RBFOX1: variants seen among roughly 807,000 people sequenced by gnomAD.
RBFOX1 encodes the protein RNA binding fox-1 homolog 1.
RBFOX1 carries 8 observed loss-of-function variants against 57.7 expected under a neutral mutation model. That is an observed-to-expected ratio of 0.14 (90% confidence interval 0.08 to 0.25). The LOEUF (loss-of-function observed/expected upper bound fraction) is 0.25, where lower values mean the gene tolerates loss of function less well. RBFOX1 is among the 10% of genes least tolerant of loss of function. The pLI is 1.00. For synonymous variants in RBFOX1, 326 were observed against 222.4 expected, an observed-to-expected ratio of 1.47 and a Z score of -4.15; for missense variants, 611 against 548.5, an observed-to-expected ratio of 1.11 and a Z score of -1.14.
At chr16:7,476,913 C>A (rs1167607851) in intron 4 of RBFOX1, among the ~76,000 whole-genome samples, 1 of 152,072 alleles carries the variant, frequency 6.6e-6, no homozygotes, top group Non-Finnish European at 1.5e-5. Flanking sequence ...CTGGCTTTTT[C>A]CCCCAAAGCT....
rs1180446737 is a variant in RBFOX1, at chr16:5,452,135, T to C, written c.220-15081T>C. On this transcript the variant is annotated intron_variant, in intron 1 of 2. Transcript: ENST00000585867. ...CTCTCTCTTTTTTTTTTTTTTTTTT[T>C]TGAGACAGAGTCTTGCTCTGTCGCC... Among the ~76,000 whole-genome samples, 41 of 136,226 alleles carry C rather than the reference T, an allele frequency of 3.0e-4. No homozygotes were observed. The East Asian group carries it at 7.4e-3, about 25-fold the overall frequency. 89.4% of individuals were successfully genotyped at this position (136,226 alleles called of 152,430 possible).
intron 3 of RBFOX1, among the ~76,000 whole-genome samples, chr16:5,825,318 G>A (rs887179817): frequency 1.3e-5 from 2 of 152,208 alleles, no homozygotes; most frequent in African/African-American, 2.4e-5. Context: ...TGTGAGCAGG[G>A]TACTGCAGGG....
intron 3 of RBFOX1, among the ~76,000 whole-genome samples, chr16:6,888,348 G>C (rs1028291134): frequency 2.0e-5 from 3 of 152,174 alleles, no homozygotes; most frequent in Non-Finnish European, 1.5e-5. Flanking sequence ...CACTGAAGCT[G>C]TTTGAAAACT....
chr16:5,300,472 C>G (rs560663957), intron 1 of RBFOX1, among the ~76,000 whole-genome samples: 2 of 152,162 alleles, frequency 1.3e-5, no homozygotes, highest in East Asian at 1.9e-4. Flanking sequence ...ATTTATTCTT[C>G]TAACGCACCA....
chr16:6,867,128 G>A (rs1158668297), intron 3 of RBFOX1, among the ~76,000 whole-genome samples: 5 of 152,228 alleles, frequency 3.3e-5, no homozygotes, highest in Middle Eastern at 3.4e-3. Context: ...AAAGCAGTCA[G>A]GTTTTAGCTT....
intron 4 of RBFOX1, among the ~76,000 whole-genome samples, chr16:7,514,010 T>G (rs2075796731): frequency 6.6e-6 from 1 of 152,186 alleles, no homozygotes; most frequent in Non-Finnish European, 1.5e-5. Flanking sequence ...CTTCACTGCC[T>G]GCTTTATTTC....
chr16:5,331,397 C>T (rs533445438), intron 1 of RBFOX1, among the ~76,000 whole-genome samples: 1 of 152,206 alleles, frequency 6.6e-6, no homozygotes, highest in Non-Finnish European at 1.5e-5. Context: ...ATGGGCTGAT[C>T]TTGGCTAGAC....
chr16:6,554,965 C>T (rs1157097791), intron 2 of RBFOX1, among the ~76,000 whole-genome samples: 2 of 152,186 alleles, frequency 1.3e-5, no homozygotes, highest in East Asian at 3.9e-4. Flanking sequence ...AGCCTGAGTA[C>T]ATCCAGGTTC....
At chr16:5,287,784 C>G (rs962919413) in intron 1 of RBFOX1, among the ~76,000 whole-genome samples, 9 of 152,162 alleles carry the variant, frequency 5.9e-5, no homozygotes, top group African/African-American at 2.2e-4. Context: ...GTGGCCAAAG[C>G]TAGACACAGG....
At chr16:5,425,105 C>CTATCTATCTATCTATT (rs1401710896) in intron 1 of RBFOX1, among the ~76,000 whole-genome samples, 7,419 of 131,398 alleles carry the variant, frequency 0.056, 530 homozygotes, top group East Asian at 0.094. Context: ...ATCTATCTAT[C>CTATCTATCTATCTATT]TATCTATCTA....
rs995065789 is a variant in RBFOX1 at position 6,923,276 on chromosome 16, A to G, written c.-15-128781A>G. Reference sequence around the variant, plus strand: ...TGGCCAGGTGTGGTGGCTCATGCCTATAATCCCAGAACTTTGGGATGCCAA... The same window carrying G: ...TGGCCAGGTGTGGTGGCTCATGCCTGTAATCCCAGAACTTTGGGATGCCAA... On this transcript the variant is annotated intron_variant, in intron 3 of 15. Transcript: ENST00000550418. 5.5e-4 allele frequency among the ~76,000 whole-genome samples: 84 copies of G among 152,070 alleles called. 2 individuals are homozygous for G. Among genetic ancestry groups the G allele is most frequent in the East Asian group, 3.9e-4 (2 of 5,158 alleles).
intron 4 of RBFOX1, among the ~76,000 whole-genome samples, chr16:7,239,368 G>A (rs1000623017): frequency 2.6e-5 from 4 of 152,100 alleles, no homozygotes; most frequent in Admixed American, 1.3e-4. Context: ...GCGTGGTGGT[G>A]CATGCCTGTA....
intron 10 of RBFOX1, among the ~76,000 whole-genome samples, chr16:7,610,123 T>TA (rs950254909): frequency 4.0e-5 from 5 of 126,444 alleles, no homozygotes; most frequent in African/African-American, 1.7e-4. Flanking sequence ...GCCCCCTTTT[T>TA]TTTTTTTTTT....
At chr16:7,681,557 G>C (rs1041137406) in intron 14 of RBFOX1, among the ~76,000 whole-genome samples, 1 of 152,028 alleles carries the variant, frequency 6.6e-6, no homozygotes. Flanking sequence ...CATTTTAATT[G>C]GAGTTCTTAT....
intron 3 of RBFOX1, among the ~76,000 whole-genome samples, chr16:7,031,668 T>C (rs1435705101): frequency 6.6e-6 from 1 of 152,158 alleles, no homozygotes; most frequent in East Asian, 1.9e-4. Context: ...TGAATAATTT[T>C]GATGGGATTG....
At chr16:6,737,757 G>C (rs541224462) in intron 3 of RBFOX1, among the ~76,000 whole-genome samples, 2 of 152,218 alleles carry the variant, frequency 1.3e-5, no homozygotes, top group African/African-American at 4.8e-5. Flanking sequence ...TTAAATAATA[G>C]TCCATTTATT....
intron 4 of RBFOX1, among the ~76,000 whole-genome samples, chr16:7,194,515 G>A (rs944732959): frequency 1.3e-5 from 2 of 152,098 alleles, no homozygotes; most frequent in African/African-American, 4.8e-5. Flanking sequence ...ATTTCAAAAT[G>A]TACATTTAAA....
intron 3 of RBFOX1, among the ~76,000 whole-genome samples, chr16:6,691,226 T>C (rs9929969): frequency 0.98 from 149,417 of 152,248 alleles, 73,378 homozygotes; most frequent in Middle Eastern, 1. Flanking sequence ...AGGATGGTTT[T>C]CTGTCCCTAT....
intron 2 of RBFOX1, among the ~76,000 whole-genome samples, chr16:6,429,724 C>A (rs746372590): frequency 1.3e-5 from 2 of 152,164 alleles, no homozygotes; most frequent in African/African-American, 2.4e-5. Context: ...AATGGGAATT[C>A]TCCTGCACAA....
Sources: allele counts gnomAD v4.1 joint callset (sites outside exome capture counted in the v4.1 genomes callset), GRCh38; gene constraint gnomAD v4.1.1; transcripts MANE v1.5; gene names NCBI Gene and HGNC (gene_info 2026-07-23, HGNC 2026-07-21).